Variants in OR10A2 observed in about 807,000 individuals in gnomAD.
The protein encoded by OR10A2 is olfactory receptor family 10 subfamily A member 2, also known as olfactory receptor 10A2.
A neutral mutation model predicts 13.7 loss-of-function variants in OR10A2; 15 were observed. The ratio of observed to expected loss-of-function variants is 1.10; its 90% CI spans 0.73 to 1.69. The LOEUF (loss-of-function observed/expected upper bound fraction) is 1.69, where lower values mean the gene tolerates loss of function less well. Among genes scored for constraint, OR10A2 ranks in the 40% most tolerant of loss-of-function variants. The pLI is 0.00. For missense variants in OR10A2, 343 were observed against 361.1 expected, an observed-to-expected ratio of 0.95 and a Z score of 0.41; for synonymous variants, 145 against 144.7, an observed-to-expected ratio of 1.00 and a Z score of -0.02.
rs371007239 is a variant in OR10A2 at position 6,870,477 on chromosome 11, A to G, written c.723A>G (p.Ser241=). The G allele has an allele frequency of 3.9e-5, 63 of 1,614,008 alleles. No homozygotes were observed. Among genetic ancestry groups the G allele is most frequent in the Non-Finnish European group, 5.2e-5 (61 of 1,180,012 alleles). The change falls in exon 2 of 2, where the codon TCA becomes TCG. Residue 241 remains serine (S), a synonymous_variant. Coordinates refer to ENST00000641461, the MANE Select transcript of OR10A2 (RefSeq NM_001004460.2). Reference sequence around the variant, plus strand: ...TTGTTGTCTCTCTTTTCTATATATCATTAAGCCTCACCTACTTCCGGCCTA... The same window carrying G: ...TTGTTGTCTCTCTTTTCTATATATCGTTAAGCCTCACCTACTTCCGGCCTA... ...HLLVVSLFYI[S]LSLTYFRPKS...
chr11:6,863,629 A>G (rs1270692925), intron 1 of OR10A2, among the ~76,000 whole-genome samples: 1 of 152,080 alleles, frequency 6.6e-6, no homozygotes, highest in Non-Finnish European at 1.5e-5. Flanking sequence ...TGAGTCAGGA[A>G]GCTTCCAGGC....
In OR10A2 at chr11:6,870,947, C is replaced by CTTTTCTTT. The variant is rs1554929582; in HGVS notation, c.*285_*286insCTTTTTTT. On this transcript the variant is annotated 3_prime_UTR_variant, in exon 2 of 2. Coordinates refer to ENST00000641461, the MANE Select transcript of OR10A2 (RefSeq NM_001004460.2). ...CCAACTATTTCCAGGTGTTATATTT[C>CTTTTCTTT]TTTTTTTTTTTTTTTTTGAGACGGA... is the stretch of plus-strand genomic sequence containing the variant. 4 of 138,570 alleles carry CTTTTCTTT rather than the reference C, an allele frequency of 2.9e-5. No individual in the cohort carries two copies. Among genetic ancestry groups the CTTTTCTTT allele is most frequent in the Non-Finnish European group, 5.8e-5 (4 of 69,478 alleles). 8.6% of individuals were successfully genotyped at this position (138,570 alleles called of 1,614,324 possible). A position where few individuals can be genotyped will look rare whatever the true frequency, so the allele number is the denominator to read the frequency against.
chr11:6,872,434 C>G lies in OR10A2; in HGVS notation c.*1768C>G, dbSNP rs1250143190. The G allele has an allele frequency of 6.6e-6, 1 of 152,186 alleles. No individual in the cohort carries two copies. Among genetic ancestry groups the G allele is most frequent in the Non-Finnish European group, 1.5e-5 (1 of 68,040 alleles). 9.4% of individuals were successfully genotyped at this position (152,186 alleles called of 1,614,324 possible). On this transcript the variant is annotated 3_prime_UTR_variant, in exon 2 of 2. Coordinates refer to ENST00000641461, the MANE Select transcript of OR10A2 (RefSeq NM_001004460.2). ...CTTATTTTTACATGTTTGTCTTCCT[C>G]CAACTTTTCTGTAACTCTTCAAAAA...
intron 1 of OR10A2, among the ~76,000 whole-genome samples, chr11:6,863,665 C>T (rs3864882): frequency 0.42 from 63,099 of 151,844 alleles, 13,531 homozygotes; most frequent in Middle Eastern, 0.57. Context: ...GGACATATAC[C>T]CCCTTCAGGT....
At chr11:6,867,523 T>C (rs1848389164) in intron 1 of OR10A2, among the ~76,000 whole-genome samples, 1 of 151,940 alleles carries the variant, frequency 6.6e-6, no homozygotes, top group African/African-American at 2.4e-5. Flanking sequence ...CGATATTCAA[T>C]ATTTTATAGG....
At chr11:6,869,140 AT>A (rs1159215251) in intron 1 of OR10A2, among the ~76,000 whole-genome samples, 1 of 152,232 alleles carries the variant, frequency 6.6e-6, no homozygotes, top group Non-Finnish European at 1.5e-5. Context: ...TTCCTCATGT[AT>A]AAACCAGAGA....
Position 6,869,987 on chromosome 11 carries a change from C to A in OR10A2, c.233C>A (p.Thr78Asn), listed in dbSNP as rs149736535. ...MLGTLLAQDTTISFLGCATQM... is the reference protein window; with the variant it reads ...MLGTLLAQDTNISFLGCATQM... ...GGGACCCTGCTTGCCCAGGACACAA[C>A]CATCTCCTTCCTTGGCTGTGCCACT... Residue 78 changes from threonine to asparagine, a missense_variant, in exon 2 of 2, where the codon ACC (threonine) becomes AAC (asparagine). By Grantham distance (65) the Thr-to-Asn change is moderately conservative (BLOSUM62 0). Transcript: ENST00000641461. 62 of 1,614,212 alleles carry A rather than the reference C, an allele frequency of 3.8e-5. No individual in the cohort carries two copies. The African/African-American group carries it at 6.8e-4, about 18-fold the overall frequency.
chr11:6,868,367 G>A (rs1456378958), intron 1 of OR10A2, among the ~76,000 whole-genome samples: 1 of 152,034 alleles, frequency 6.6e-6, no homozygotes, highest in Admixed American at 6.5e-5. Flanking sequence ...CGTAAAGACG[G>A]AGGGTAATTA....
chr11:6,870,926 C>A lies in OR10A2; in HGVS notation c.*260C>A. On this transcript the variant is annotated 3_prime_UTR_variant, in exon 2 of 2. Transcript: ENST00000641461. ...GGTATGACAGCACTTCTGTGGCCAACTATTTCCAGGTGTTATATTTCTTTT... is the reference window on the plus strand; with the variant it reads ...GGTATGACAGCACTTCTGTGGCCAAATATTTCCAGGTGTTATATTTCTTTT... 9.7e-6 allele frequency: 3 copies of A among 309,886 alleles called. No homozygotes were observed. The highest frequency in any genetic ancestry group is 1.2e-5 in the Non-Finnish European group (2 of 169,088). 19.2% of individuals were successfully genotyped at this position (309,886 alleles called of 1,614,324 possible). A position where few individuals can be genotyped will look rare whatever the true frequency, so the allele number is the denominator to read the frequency against.
At position 6,869,773 on chromosome 11, in the gene OR10A2, C is replaced by A; in HGVS notation, c.19C>A (p.Pro7Thr). ...TATCCTCATGAGCTTCTCTTCCCTG[C>A]CTACTGAAATACAGTCATTACTCTT... MSFSSL[P>T]TEIQSLLFLT... The change falls in exon 2 of 2, where the codon CCT becomes ACT. Residue 7 changes from proline to threonine, a missense_variant. Physicochemically the swap from Pro to Thr is conservative, Grantham distance 38. Transcript: ENST00000641461. 6.2e-7 allele frequency: 1 copy of A among 1,613,980 alleles called. No individual in the cohort carries two copies.
rs189088595 is a variant in OR10A2, at chr11:6,871,094, C to T, written c.*428C>T. 7.1e-3 allele frequency: 1,083 copies of T among 153,416 alleles called. 14 individuals carry two copies. The highest frequency in any genetic ancestry group is 0.023 in the African/African-American group (957 of 41,486). The allele number at this position is 153,416 out of a possible 1,614,324, so 9.5% of individuals were successfully genotyped here. ...CCAAGTAGCTGGGACTACAGGTGCC[C>T]GCCACCATGCCCGGCTAATTTTTTG... On this transcript the variant is annotated 3_prime_UTR_variant, in exon 2 of 2. Transcript: ENST00000641461.
At chr11:6,866,647 C>T (rs371405731) in intron 1 of OR10A2, among the ~76,000 whole-genome samples, 3 of 151,864 alleles carry the variant, frequency 2.0e-5, no homozygotes, top group African/African-American at 7.3e-5. Context: ...ATGCATTTCC[C>T]TAATGGTGAA....
rs1260765743 is a variant in OR10A2, at chr11:6,873,113, G to A, written c.*2447G>A. 5 of 152,152 alleles carry A rather than the reference G, an allele frequency of 3.3e-5. No homozygotes were observed. The highest frequency in any genetic ancestry group is 6.5e-5 in the Admixed American group (1 of 15,270). The allele number at this position is 152,152 out of a possible 1,614,324, so 9.4% of individuals were successfully genotyped here. ...GACGTGGGCCACCATGCCAGGCCAA[G>A]TATTTCCCTTTTAATATGACGTAGG... On this transcript the variant is annotated 3_prime_UTR_variant, in exon 2 of 2. Transcript: ENST00000641461.
chr11:6,870,597 T>A lies in OR10A2; in HGVS notation c.843T>A (p.Asn281Lys), dbSNP rs1848423324. The change falls in exon 2 of 2, where the codon AAT becomes AAA. Residue 281 changes from asparagine (N) to lysine (K), a missense_variant. By Grantham distance (94) the Asn-to-Lys change is moderately conservative (BLOSUM62 0). Transcript: ENST00000641461. ...ACCCCATTATCTACAGCCTGAGAAA[T>A]AACGAGGTGAAGAATGCCCTCAGCA... Reference protein sequence around the residue: ...MLNPIIYSLRNNEVKNALSRT... With the variant: ...MLNPIIYSLRKNEVKNALSRT... 3 of 1,613,592 alleles carry A rather than the reference T, an allele frequency of 1.9e-6. No homozygotes were observed. Among genetic ancestry groups the A allele is most frequent in the Non-Finnish European group, 8.5e-7 (1 of 1,179,796 alleles).
Position 6,872,251 on chromosome 11 carries a change from GT to G in OR10A2, c.*1590del, listed in dbSNP as rs1485909656. 1 of 152,108 alleles carries G rather than the reference GT, an allele frequency of 6.6e-6. No homozygotes were observed. Among genetic ancestry groups the G allele is most frequent in the Non-Finnish European group, 1.5e-5 (1 of 68,014 alleles). The allele number at this position is 152,108 out of a possible 1,614,324, so 9.4% of individuals were successfully genotyped here. A position where few individuals can be genotyped will look rare whatever the true frequency, so the allele number is the denominator to read the frequency against. Reference sequence around the variant, plus strand: ...TTTTATTTTCTCTTCTTGAAAGGTTGTTTTTCACTTTTATTTTAGCCAAATC... The same window carrying G: ...TTTTATTTTCTCTTCTTGAAAGGTTGTTTTCACTTTTATTTTAGCCAAATC... On this transcript the variant is annotated 3_prime_UTR_variant, in exon 2 of 2. Coordinates refer to ENST00000641461, the MANE Select transcript of OR10A2 (RefSeq NM_001004460.2).
chr11:6,869,233 C>T (rs1347170781), intron 1 of OR10A2, among the ~76,000 whole-genome samples: 1 of 152,146 alleles, frequency 6.6e-6, no homozygotes, highest in Admixed American at 6.5e-5. Context: ...TCTAGCCAGT[C>T]AAGAAAGGTT....
chr11:6,871,055 C>G lies in OR10A2; in HGVS notation c.*389C>G, dbSNP rs1050028171. 6 of 153,810 alleles carry G rather than the reference C, an allele frequency of 3.9e-5. No homozygotes were observed. The highest frequency in any genetic ancestry group is 1.2e-4 in the African/African-American group (5 of 41,072). 9.5% of individuals were successfully genotyped at this position (153,810 alleles called of 1,614,324 possible). On this transcript the variant is annotated 3_prime_UTR_variant, in exon 2 of 2. Transcript: ENST00000641461. ...CCGCCTCCTGGGTTCACGCTGTTCT[C>G]CTGCCTCAGCCTCCCAAGTAGCTGG...
intron 1 of OR10A2, among the ~76,000 whole-genome samples, chr11:6,868,090 A>C (rs1848394011): frequency 6.6e-6 from 1 of 152,126 alleles, no homozygotes; most frequent in South Asian, 2.1e-4. Context: ...CTGTCTTTTC[A>C]TCATTGGTTC....
intron 1 of OR10A2, among the ~76,000 whole-genome samples, chr11:6,863,873 A>G (rs528581381): frequency 2.0e-5 from 3 of 152,298 alleles, no homozygotes; most frequent in Admixed American, 6.5e-5. Context: ...AGTTTGTCCA[A>G]CCTGTGGCCC....
Sources: allele counts gnomAD v4.1 joint callset (sites outside exome capture counted in the v4.1 genomes callset), GRCh38; gene constraint gnomAD v4.1.1; transcripts MANE v1.5; gene names NCBI Gene and HGNC (gene_info 2026-07-23, HGNC 2026-07-21).